UBE2K: variants seen among roughly 807,000 people sequenced by gnomAD.
UBE2K encodes the protein ubiquitin conjugating enzyme E2 K.
UBE2K carries 6 observed loss-of-function variants against 30.0 expected under a neutral mutation model. That is an observed-to-expected ratio of 0.20 (90% CI 0.11 to 0.39). The LOEUF (loss-of-function observed/expected upper bound fraction) is 0.39. Among genes scored for constraint, UBE2K ranks in the 10% least tolerant of loss-of-function variants. The pLI is 1.00. For synonymous variants in UBE2K, 86 were observed against 83.7 expected (o/e 1.03, Z -0.15); for missense variants, 61 against 241.6 (o/e 0.25, Z 4.96).
intron 2 of UBE2K, among the ~76,000 whole-genome samples, chr4:39,744,351 T>C (rs943017895): frequency 4.6e-5 from 7 of 151,256 alleles, no homozygotes; most frequent in African/African-American, 1.5e-4. Context: ...TTTTTGTGTT[T>C]TTAGTAGAGA....
At chr4:39,707,136 C>T (rs963043610) in intron 1 of UBE2K, among the ~76,000 whole-genome samples, 1 of 152,024 alleles carries the variant, frequency 6.6e-6, no homozygotes, top group Non-Finnish European at 1.5e-5. Context: ...TCTCACACTC[C>T]TGACCTCAGG....
chr4:39,753,403 T>TA (rs1323776192), intron 3 of UBE2K, among the ~76,000 whole-genome samples: 6 of 152,242 alleles, frequency 3.9e-5, no homozygotes, highest in Admixed American at 1.3e-4. Context: ...ATTACTGTCT[T>TA]ACTTAGCTTG....
chr4:39,768,844 C>T (rs1453271037), intron 4 of UBE2K, among the ~76,000 whole-genome samples: 1 of 152,082 alleles, frequency 6.6e-6, no homozygotes, highest in Admixed American at 6.6e-5. Context: ...TAGGTGATAT[C>T]TCATTTTGGT....
intron 1 of UBE2K, among the ~76,000 whole-genome samples, chr4:39,703,415 G>C (rs978134370): frequency 3.9e-5 from 6 of 152,084 alleles, no homozygotes; most frequent in African/African-American, 1.4e-4. Flanking sequence ...TCGGGAGGCC[G>C]AGGCTGGAGG....
chr4:39,724,769 C>CA (rs781226641), intron 1 of UBE2K, among the ~76,000 whole-genome samples: 262 of 97,198 alleles, frequency 2.7e-3, no homozygotes, highest in Middle Eastern at 0.019. Flanking sequence ...GACCCTGTTT[C>CA]AAAAAAAAAA....
At chr4:39,733,467 G>C (rs1201017210) in intron 1 of UBE2K, among the ~76,000 whole-genome samples, 1 of 151,614 alleles carries the variant, frequency 6.6e-6, no homozygotes, top group Non-Finnish European at 1.5e-5. Context: ...CGAGTAGCTG[G>C]GACTACAGGT....
chr4:39,761,419 C>A (rs1711936662), intron 4 of UBE2K: 2 of 152,128 alleles, frequency 1.3e-5, no homozygotes, highest in South Asian at 4.1e-4. Context: ...AAAAGTTAGT[C>A]AACGGTATGA....
intron 1 of UBE2K, among the ~76,000 whole-genome samples, chr4:39,718,705 C>G (rs1719247950): frequency 1.3e-5 from 2 of 152,238 alleles, no homozygotes; most frequent in Non-Finnish European, 2.9e-5. Flanking sequence ...GCCAGCACTG[C>G]TGGGGGACCC....
chr4:39,754,929 G>A (rs1464364985), intron 3 of UBE2K, among the ~76,000 whole-genome samples: 2 of 152,188 alleles, frequency 1.3e-5, no homozygotes, highest in Admixed American at 6.5e-5. Flanking sequence ...AAGTTCATGA[G>A]TAAGAGCTGA....
At chr4:39,731,432 C>G (rs1720068893) in intron 1 of UBE2K, among the ~76,000 whole-genome samples, 1 of 152,032 alleles carries the variant, frequency 6.6e-6, no homozygotes, top group African/African-American at 2.4e-5. Flanking sequence ...GTAATCCCAG[C>G]ACTTTGGGAA....
chr4:39,751,039 C>CTTTAATTTAAT, intron 3 of UBE2K, among the ~76,000 whole-genome samples: 1 of 152,066 alleles, frequency 6.6e-6, no homozygotes, highest in Non-Finnish European at 1.5e-5. Flanking sequence ...AGCCACCACG[C>CTTTAATTTAAT]CTGGCCCCTG....
Position 39,771,038 on chromosome 4 carries a change from T to A in UBE2K, c.300-3796T>A. 3.7e-6 allele frequency: 6 copies of A among 1,612,388 alleles called. No individual in the cohort carries two copies. The South Asian group carries it at 6.6e-5, about 18-fold the overall frequency. ...CTAGCCTCACGGACCCCATCCTCTT[T>A]GAGGCCTATTTTGGGCTCAGTGAAC... is the stretch of plus-strand genomic sequence containing the variant. On this transcript the variant is annotated intron_variant, in intron 4 of 6. Transcript: ENST00000261427.
At chr4:39,776,372 C>T (rs1309197816) in intron 5 of UBE2K, among the ~76,000 whole-genome samples, 2 of 152,082 alleles carry the variant, frequency 1.3e-5, no homozygotes, top group African/African-American at 4.8e-5. Flanking sequence ...CTCTTTCTTC[C>T]TTTCTCCATC....
intron 3 of UBE2K, among the ~76,000 whole-genome samples, chr4:39,752,359 C>T (rs1416121820): frequency 4.7e-5 from 5 of 105,532 alleles, no homozygotes; most frequent in Middle Eastern, 0.021. Context: ...TTTTTTGAGA[C>T]GGCGTCTGGC....
At chr4:39,772,011 G>C (rs936518771) in intron 4 of UBE2K, among the ~76,000 whole-genome samples, 7 of 152,086 alleles carry the variant, frequency 4.6e-5, no homozygotes, top group Admixed American at 2.6e-4. Context: ...GCTAATTTTT[G>C]TATTTTTGGC....
intron 1 of UBE2K, among the ~76,000 whole-genome samples, chr4:39,712,131 C>CA (rs1560341809): frequency 7.0e-6 from 1 of 143,568 alleles, no homozygotes; most frequent in Non-Finnish European, 1.5e-5. Flanking sequence ...ACCGCCCCCC[C>CA]TTTTTTTTTT....
intron 1 of UBE2K, among the ~76,000 whole-genome samples, chr4:39,705,234 G>A (rs938782394): frequency 1.6e-4 from 19 of 121,152 alleles, no homozygotes; most frequent in Admixed American, 1.4e-3. Context: ...GTCTTGCTCT[G>A]TTGTCCAGGC....
At chr4:39,699,344 G>T (rs561494157) in intron 1 of UBE2K, among the ~76,000 whole-genome samples, 2 of 152,246 alleles carry the variant, frequency 1.3e-5, no homozygotes, top group South Asian at 4.1e-4. Context: ...TTAAAAATGT[G>T]AAATTTCACC....
chr4:39,734,535 C>T (rs565909488), intron 1 of UBE2K, among the ~76,000 whole-genome samples: 262 of 152,178 alleles, frequency 1.7e-3, no homozygotes, highest in Non-Finnish European at 2.7e-3. Context: ...CGGTACCTCA[C>T]ACCTGTAATC....
Sources: gnomAD v4.1 joint callset for allele counts (sites outside exome capture counted in the v4.1 genomes callset) on GRCh38, gnomAD v4.1.1 for gene constraint, MANE v1.5 for transcripts, NCBI Gene and HGNC (gene_info 2026-07-23, HGNC 2026-07-21) for gene names.